The following STX1B variants were observed in gnomAD, a reference collection of about 807,000 sequenced individuals.
STX1B encodes syntaxin 1B.
Under a neutral mutation model 39.4 loss-of-function variants are expected in STX1B, and 7 were observed. The ratio of observed to expected loss-of-function variants is 0.18; its 90% CI spans 0.10 to 0.33. The LOEUF (loss-of-function observed/expected upper bound fraction) is 0.33. STX1B is among the 10% of genes least tolerant of loss of function. The pLI is 1.00. For synonymous variants in STX1B, 136 were observed against 144.1 expected, an observed-to-expected ratio of 0.94 and a Z score of 0.40; for missense variants, 198 against 383.2, an observed-to-expected ratio of 0.52 and a Z score of 4.04.
At chr16:31,006,453 G>C (rs912549841) in intron 1 of STX1B, among the ~76,000 whole-genome samples, 1 of 152,196 alleles carries the variant, frequency 6.6e-6, no homozygotes, top group Non-Finnish European at 1.5e-5. Flanking sequence ...TGCTGCTGGC[G>C]ATGTGGTGGT....
rs2143679169 is a variant in STX1B at position 31,001,703 on chromosome 16, T to C, written c.31-100A>G. 3 of 900,366 alleles carry C rather than the reference T, an allele frequency of 3.3e-6. No homozygotes were observed. The highest frequency in any genetic ancestry group is 5.2e-6 in the Non-Finnish European group (3 of 581,494). 55.8% of individuals were successfully genotyped at this position (900,366 alleles called of 1,614,324 possible). Reference sequence around the variant, plus strand: ...CCTCTCCCTGCTATGCACACACAGGTGCTCCCAGCTCTAGGCTCAGAGGAG... The same window carrying C: ...CCTCTCCCTGCTATGCACACACAGGCGCTCCCAGCTCTAGGCTCAGAGGAG... On this transcript the variant is annotated intron_variant, in intron 1 of 9. Transcript: ENST00000215095. This position sits in a 1 kb window ranked among gnomAD's most constrained non-coding sequence, Gnocchi z 5.5.
chr16:31,010,565 C>T lies in STX1B; in HGVS notation c.-169G>A, dbSNP rs2056676586. 4 of 180,030 alleles carry T rather than the reference C, an allele frequency of 2.2e-5. 1 individual carries two copies. In the South Asian group the frequency reaches 6.6e-4, roughly 30 times the overall value. 11.2% of individuals were successfully genotyped at this position (180,030 alleles called of 1,614,324 possible). On this transcript the variant is annotated 5_prime_UTR_variant, in exon 1 of 10. Transcript: ENST00000215095. ...CGGGGGCGACTGGCCGAGGGCCGGG[C>T]AGGGGCAGGGGCCTGGGCCGGGCTC...
intron 9 of STX1B, 100 bp downstream of exon 9, chr16:30,993,029 AG>A: frequency 7.4e-7 from 1 of 1,352,588 alleles, no homozygotes; most frequent in African/African-American, 1.4e-5. Context: ...GGAAGAGGTC[AG>A]AGCCAGAGAT....
rs746178850 is a variant in STX1B at position 30,993,211 on chromosome 16, G to A, written c.705C>T (p.Asn235=). Residue 235 remains asparagine, a synonymous_variant, in exon 9 of 10, where the codon AAC becomes AAT. Transcript: ENST00000215095. ...QGEMIDRIEY[N]VEHSVDYVER... ...CCACGTAGTCCACAGAATGTTCCAC[G>A]TTGTACTCGATGCGGTCAATCATCT... 3.7e-6 allele frequency: 6 copies of A among 1,614,042 alleles called. No individual in the cohort carries two copies. Among genetic ancestry groups the A allele is most frequent in the South Asian group, 1.1e-5 (1 of 91,086 alleles).
chr16:30,997,583 A>G lies in STX1B; in HGVS notation c.281-8T>C. On this transcript the variant is annotated splice_region_variant and splice_polypyrimidine_tract_variant and intron_variant, in intron 4 of 9. Coordinates refer to ENST00000215095, the MANE Select transcript of STX1B (RefSeq NM_052874.5). ...CAATGCTTTGCTCGATCGCTGCGGGAGAGAGGGCGCAGCGATGGGCGGGAG... is the reference window on the plus strand; with the variant it reads ...CAATGCTTTGCTCGATCGCTGCGGGGGAGAGGGCGCAGCGATGGGCGGGAG... The G allele has an allele frequency of 6.2e-7, 1 of 1,604,336 alleles. No homozygotes were observed. The highest frequency in any genetic ancestry group is 8.5e-7 in the Non-Finnish European group (1 of 1,176,382).
chr16:31,006,476 C>A (rs1272638479), intron 1 of STX1B, among the ~76,000 whole-genome samples: 1 of 152,124 alleles, frequency 6.6e-6, no homozygotes, highest in Non-Finnish European at 1.5e-5. Context: ...AGAAGACAGG[C>A]GAGGAGGGCC....
rs903689332 is a variant in STX1B at position 30,989,839 on chromosome 16, G to C, written c.*2982C>G. 6.6e-6 allele frequency: 1 copy of C among 152,596 alleles called. No individual in the cohort carries two copies. Among genetic ancestry groups the C allele is most frequent in the African/African-American group, 2.4e-5 (1 of 41,448 alleles). 9.5% of individuals were successfully genotyped at this position (152,596 alleles called of 1,614,324 possible). ...TCATGAGGGGTGGGAACAGGGAGGA[G>C]GGGGAAGAGGAGCACTGAGCCCTGG... is the stretch of plus-strand genomic sequence containing the variant. On this transcript the variant is annotated 3_prime_UTR_variant, in exon 10 of 10. Transcript: ENST00000215095.
At chr16:31,002,486 A>G (rs946748511) in intron 1 of STX1B, among the ~76,000 whole-genome samples, 4 of 152,174 alleles carry the variant, frequency 2.6e-5, no homozygotes, top group Admixed American at 2.0e-4. Flanking sequence ...ACCCGCACGC[A>G]GACTCACAGC....
intron 4 of STX1B, 120 bp from the exon 5 acceptor site, chr16:30,997,695 C>T (rs1038330311): frequency 5.3e-6 from 5 of 944,350 alleles, no homozygotes; most frequent in African/African-American, 3.4e-5. Context: ...ACGTCATCCC[C>T]AGGGCGAGTT....
Position 30,990,253 on chromosome 16 carries a change from T to TG in STX1B, c.*2567dup, listed in dbSNP as rs1451923886. On this transcript the variant is annotated 3_prime_UTR_variant, in exon 10 of 10. Coordinates refer to ENST00000215095, the MANE Select transcript of STX1B (RefSeq NM_052874.5). ...TGTCCAGGCGGCCGGAAGAGGGGACTGGGGGCTGGGGCCTGCTCTGATGTC... is the reference window on the plus strand; with the variant it reads ...TGTCCAGGCGGCCGGAAGAGGGGACTGGGGGGCTGGGGCCTGCTCTGATGTC... 6.6e-6 allele frequency: 1 copy of TG among 152,244 alleles called. No homozygotes were observed. The highest frequency in any genetic ancestry group is 2.4e-5 in the African/African-American group (1 of 41,398). 9.4% of individuals were successfully genotyped at this position (152,244 alleles called of 1,614,324 possible).
chr16:31,006,401 A>G (rs551106934), intron 1 of STX1B, among the ~76,000 whole-genome samples: 25 of 152,112 alleles, frequency 1.6e-4, no homozygotes, highest in African/African-American at 5.8e-4. Context: ...TCATTCATTC[A>G]TCTAACGGAT....
In STX1B at chr16:30,996,763, G is replaced by T. The variant is rs753006506; in HGVS notation, c.464-7C>A. On this transcript the variant is annotated splice_polypyrimidine_tract_variant and splice_region_variant and intron_variant, in intron 6 of 9. Transcript: ENST00000215095. Reference sequence around the variant, plus strand: ...TTGGTGGTGGTCCTTCCAGCTGCGGGAAGAAAGGACTCCCTGCTCGGGGGC... The same window carrying T: ...TTGGTGGTGGTCCTTCCAGCTGCGGTAAGAAAGGACTCCCTGCTCGGGGGC... 5 of 1,613,850 alleles carry T rather than the reference G, an allele frequency of 3.1e-6. No homozygotes were observed. The East Asian group carries it at 1.1e-4, about 36-fold the overall frequency.
At chr16:30,994,291 CAAA>C (rs59732057) in intron 7 of STX1B, among the ~76,000 whole-genome samples, 14 of 134,614 alleles carry the variant, frequency 1.0e-4, no homozygotes, top group South Asian at 2.4e-4. Flanking sequence ...GACTCCGTCT[CAAA>C]AAAAAAAAAA....
rs767239275 is a variant in STX1B, at chr16:30,993,443, C to T, written c.579G>A (p.Glu193=). 4 of 1,614,066 alleles carry T rather than the reference C, an allele frequency of 2.5e-6. No homozygotes were observed. The highest frequency in any genetic ancestry group is 3.4e-6 in the Non-Finnish European group (4 of 1,180,034). Residue 193 remains glutamate, a synonymous_variant, in exon 8 of 10, where the codon GAG becomes GAA. Transcript: ENST00000215095. Reference sequence around the variant, plus strand: ...TGATCTCATTGTGCCTCGTCTCAATCTCATTCAGCGCCTGCTTCGTCATCT... The same window carrying T: ...TGATCTCATTGTGCCTCGTCTCAATTTCATTCAGCGCCTGCTTCGTCATCT... ...DSQMTKQALN[E]IETRHNEIIK...
At chr16:31,004,412 G>A (rs2014236) in intron 1 of STX1B, among the ~76,000 whole-genome samples, 14,699 of 152,150 alleles carry the variant, frequency 0.097, 2,073 homozygotes, top group African/African-American at 0.31. Flanking sequence ...AGTGGCTCAC[G>A]CCTGTAATCC....
intron 4 of STX1B, among the ~76,000 whole-genome samples, chr16:31,000,325 G>C (rs1232715005): frequency 5.4e-5 from 2 of 37,086 alleles, no homozygotes; most frequent in Admixed American, 8.7e-4. Context: ...TTGTTTGTTT[G>C]TTTTTTGTTT....
At chr16:30,998,421 G>C (rs1353586610) in intron 4 of STX1B, among the ~76,000 whole-genome samples, 3 of 152,238 alleles carry the variant, frequency 2.0e-5, no homozygotes, top group African/African-American at 7.2e-5. Context: ...CCGATTGAGT[G>C]ACAGCTCTGG....
chr16:30,990,742 A>G lies in STX1B; in HGVS notation c.*2079T>C, dbSNP rs1254434059. ...AACACTGTCCTTTCTCCCACGCACC[A>G]CCTACCTGCCACCAAACCCACAAAT... On this transcript the variant is annotated 3_prime_UTR_variant, in exon 10 of 10. Transcript: ENST00000215095. 1 of 152,142 alleles carries G rather than the reference A, an allele frequency of 6.6e-6. No homozygotes were observed. The highest frequency in any genetic ancestry group is 1.5e-5 in the Non-Finnish European group (1 of 68,054). The allele number at this position is 152,142 out of a possible 1,614,324, so 9.4% of individuals were successfully genotyped here. A position where few individuals can be genotyped will look rare whatever the true frequency, so the allele number is the denominator to read the frequency against.
chr16:30,993,032 G>T, intron 9 of STX1B, 98 bp downstream of exon 9: 1 of 1,367,912 alleles, frequency 7.3e-7, no homozygotes, highest in Non-Finnish European at 1.0e-6. Context: ...AGAGGTCAGA[G>T]CCAGAGATAA....
Sources: gnomAD v4.1 joint callset for allele counts (sites outside exome capture counted in the v4.1 genomes callset) on GRCh38, gnomAD v4.1.1 for gene constraint, Gnocchi (gnomAD v3.1) non-coding constraint, MANE v1.5 for transcripts, NCBI Gene and HGNC (gene_info 2026-07-23, HGNC 2026-07-21) for gene names.